The following FKTN variants were observed in gnomAD, a reference collection of about 807,000 sequenced individuals.
The protein encoded by FKTN is fukutin.
A neutral mutation model predicts 58.6 loss-of-function variants in FKTN; 47 were observed. The observed-to-expected ratio is 0.80, with a 90% CI of 0.63 to 1.02. FKTN has a LOEUF of 1.02. Ranked by LOEUF, FKTN falls within the 50% of genes least tolerant of loss-of-function variation. The pLI is 0.00. For missense variants in FKTN, 516 were observed against 537.3 expected (o/e 0.96, Z 0.39); for synonymous variants, 178 against 191.9 (o/e 0.93, Z 0.60).
At position 105,575,137 on chromosome 9, in the gene FKTN, G is replaced by T. The variant is rs751029878; in HGVS notation, c.105G>T (p.Lys35Asn). Residue 35 changes from lysine to asparagine, a missense_variant and splice_region_variant, in exon 3 of 11, where the codon AAG (lysine) becomes AAT (asparagine). Transcript: ENST00000357998. ...LYYYKHYLST[K>N]NGAGLSKSKG... ...ACTACAAGCACTATTTATCAACAAAGGTAATTTTATTCCTTCTTTCTTATC... is the reference window on the plus strand; with the variant it reads ...ACTACAAGCACTATTTATCAACAAATGTAATTTTATTCCTTCTTTCTTATC... The T allele has an allele frequency of 1.3e-6, 2 of 1,512,882 alleles. No homozygotes were observed. Among genetic ancestry groups the T allele is most frequent in the South Asian group, 2.2e-5 (2 of 89,024 alleles). 93.7% of individuals were successfully genotyped at this position (1,512,882 alleles called of 1,614,324 possible).
At position 105,638,000 on chromosome 9, in the gene FKTN, C is replaced by A. The variant is rs1298202345; in HGVS notation, c.*2736C>A. The A allele has an allele frequency of 1.0e-6, 1 of 985,158 alleles. No individual in the cohort carries two copies. Among genetic ancestry groups the A allele is most frequent in the Non-Finnish European group, 1.2e-6 (1 of 829,714 alleles). The allele number at this position is 985,158 out of a possible 1,614,324, so 61.0% of individuals were successfully genotyped here. A position where few individuals can be genotyped will look rare whatever the true frequency, so the allele number is the denominator to read the frequency against. On this transcript the variant is annotated 3_prime_UTR_variant, in exon 11 of 11. Transcript: ENST00000357998. ...GACAGAATGTTTGCCAGTATCCCCACAAAACAAGTTAAAACTTAAGTGAAA... is the reference window on the plus strand; with the variant it reads ...GACAGAATGTTTGCCAGTATCCCCAAAAAACAAGTTAAAACTTAAGTGAAA...
chr9:105,565,542 G>T (rs1358516556), intron 1 of FKTN, among the ~76,000 whole-genome samples: 2 of 151,876 alleles, frequency 1.3e-5, no homozygotes, highest in African/African-American at 4.8e-5. Flanking sequence ...AAGATCAAAA[G>T]AGACAAAGAA....
chr9:105,581,987 C>T lies in FKTN; in HGVS notation c.105+6850C>T, dbSNP rs535606270. 2.6e-4 allele frequency among the ~76,000 whole-genome samples: 40 copies of T among 152,310 alleles called. No homozygotes were observed. In the South Asian group the frequency reaches 7.0e-3, roughly 27 times the overall value. ...AGAAAGGGAACTCCCTGACACCTTG[C>T]GCTTCCCAGGTGAGGCAATGCCTCG... On this transcript the variant is annotated intron_variant, in intron 3 of 10. Transcript: ENST00000357998.
chr9:105,621,658 C>G (rs1431900113), intron 10 of FKTN, among the ~76,000 whole-genome samples: 1 of 151,980 alleles, frequency 6.6e-6, no homozygotes, highest in Non-Finnish European at 1.5e-5. Context: ...TCATCTCTCC[C>G]CCTTTACACA....
In FKTN at chr9:105,574,989, A is replaced by G; in HGVS notation, c.-44A>G. The G allele has an allele frequency of 9.8e-7, 1 of 1,018,098 alleles. No homozygotes were observed. The highest frequency in any genetic ancestry group is 1.6e-6 in the Non-Finnish European group (1 of 636,034). 63.1% of individuals were successfully genotyped at this position (1,018,098 alleles called of 1,614,324 possible). On this transcript the variant is annotated 5_prime_UTR_variant, in exon 3 of 11. Coordinates refer to ENST00000357998, the MANE Select transcript of FKTN (RefSeq NM_001079802.2). Reference sequence around the variant, plus strand: ...TTCCAAATCCAAAAAGATGAAAACGACTGAGATACTTTCAAAAGACAACCA... The same window carrying G: ...TTCCAAATCCAAAAAGATGAAAACGGCTGAGATACTTTCAAAAGACAACCA...
intron 3 of FKTN, among the ~76,000 whole-genome samples, chr9:105,594,733 C>A (rs1218951718): frequency 6.6e-6 from 1 of 152,222 alleles, no homozygotes; most frequent in Non-Finnish European, 1.5e-5. Context: ...GCAACAGAGA[C>A]CCCTGTCTCA....
At chr9:105,600,488 T>A (rs1233323123) in intron 4 of FKTN, among the ~76,000 whole-genome samples, 1 of 152,180 alleles carries the variant, frequency 6.6e-6, no homozygotes, top group Non-Finnish European at 1.5e-5. Context: ...CCATTTTCAT[T>A]CTACTGTTGA....
chr9:105,598,300 A>G (rs1045996386), intron 4 of FKTN: 18 of 299,688 alleles, frequency 6.0e-5, no homozygotes, highest in Admixed American at 4.7e-5. Context: ...ATACTTCTAA[A>G]CTTTTAGAAG....
chr9:105,630,950 T>C (rs1292816180), intron 10 of FKTN, among the ~76,000 whole-genome samples: 1 of 152,018 alleles, frequency 6.6e-6, no homozygotes, highest in African/African-American at 2.4e-5. Context: ...CTGGCCAACA[T>C]GGTGATACCC....
chr9:105,627,135 G>A (rs1351142661), intron 10 of FKTN, among the ~76,000 whole-genome samples: 1 of 151,804 alleles, frequency 6.6e-6, no homozygotes, highest in Non-Finnish European at 1.5e-5. Flanking sequence ...ATCATACCCA[G>A]CTATTTTTGT....
intron 1 of FKTN, among the ~76,000 whole-genome samples, chr9:105,571,868 C>A (rs1447776585): frequency 6.6e-6 from 1 of 152,122 alleles, no homozygotes. Context: ...GCAACTTTTG[C>A]GTGCTAATAT....
In FKTN at chr9:105,636,105, TCAGA is replaced by T. The variant is rs1834016010; in HGVS notation, c.*845_*848del. ...CACAAAACTCATTTTTATTTTATTC[TCAGA>T]CAGTCTGTTAGGTAAAAATATGAGA... On this transcript the variant is annotated 3_prime_UTR_variant, in exon 11 of 11. Coordinates refer to ENST00000357998, the MANE Select transcript of FKTN (RefSeq NM_001079802.2). 3 of 977,716 alleles carry T rather than the reference TCAGA, an allele frequency of 3.1e-6. No homozygotes were observed. The highest frequency in any genetic ancestry group is 2.4e-6 in the Non-Finnish European group (2 of 823,096). 60.6% of individuals were successfully genotyped at this position (977,716 alleles called of 1,614,324 possible).
chr9:105,608,857 CAT>C (rs151316793), intron 7 of FKTN, among the ~76,000 whole-genome samples: 10,882 of 152,262 alleles, frequency 0.071, 807 homozygotes, highest in African/African-American at 0.19. Context: ...TGAAAAACCA[CAT>C]GTGTGGATGG....
chr9:105,615,044 C>T (rs1382766847), intron 7 of FKTN, among the ~76,000 whole-genome samples: 2 of 152,038 alleles, frequency 1.3e-5, no homozygotes, highest in Non-Finnish European at 2.9e-5. Flanking sequence ...CCACCACTCT[C>T]AGCTAATTTT....
intron 4 of FKTN, among the ~76,000 whole-genome samples, chr9:105,599,547 C>T (rs1160292384): frequency 6.9e-6 from 1 of 144,678 alleles, no homozygotes; most frequent in Non-Finnish European, 1.5e-5. Context: ...GATCTCGGCT[C>T]ACTGCAACCT....
chr9:105,569,243 C>T (rs1277153346), intron 1 of FKTN, among the ~76,000 whole-genome samples: 1 of 152,058 alleles, frequency 6.6e-6, no homozygotes, highest in African/African-American at 2.4e-5. Flanking sequence ...ACATATGTAA[C>T]AAACCTGCAT....
At chr9:105,561,697 A>G (rs142742524) in intron 1 of FKTN, among the ~76,000 whole-genome samples, 1 of 152,372 alleles carries the variant, frequency 6.6e-6, no homozygotes, top group African/African-American at 2.4e-5. Flanking sequence ...ATGTGTAGGT[A>G]GAAGTTATAT....
At chr9:105,576,105 A>G (rs1012525048) in intron 3 of FKTN, among the ~76,000 whole-genome samples, 3 of 150,230 alleles carry the variant, frequency 2.0e-5, no homozygotes, top group Admixed American at 2.0e-4. Context: ...ACATGGAGTT[A>G]TTAGACCTAA....
In FKTN at chr9:105,636,096, A is replaced by G. The variant is rs1032876828; in HGVS notation, c.*832A>G. The G allele has an allele frequency of 1.2e-5, 12 of 981,542 alleles. No individual in the cohort carries two copies. Among genetic ancestry groups the G allele is most frequent in the Non-Finnish European group, 1.3e-5 (11 of 826,410 alleles). The allele number at this position is 981,542 out of a possible 1,614,324, so 60.8% of individuals were successfully genotyped here. On this transcript the variant is annotated 3_prime_UTR_variant, in exon 11 of 11. Coordinates refer to ENST00000357998, the MANE Select transcript of FKTN (RefSeq NM_001079802.2). ...CCATGATTTCACAAAACTCATTTTTATTTTATTCTCAGACAGTCTGTTAGG... is the reference window on the plus strand; with the variant it reads ...CCATGATTTCACAAAACTCATTTTTGTTTTATTCTCAGACAGTCTGTTAGG...
Sources: gnomAD v4.1 joint callset for allele counts (sites outside exome capture counted in the v4.1 genomes callset) on GRCh38, gnomAD v4.1.1 for gene constraint, MANE v1.5 for transcripts, NCBI Gene and HGNC (gene_info 2026-07-23, HGNC 2026-07-21) for gene names.